Variants in ETV3 observed in about 807,000 individuals in gnomAD.
ETV3 encodes the protein ETS translocation variant 3.
A neutral mutation model predicts 33.0 loss-of-function variants in ETV3; 8 were observed. The ratio of observed to expected loss-of-function variants is 0.24; its 90% CI spans 0.14 to 0.44. The LOEUF is 0.44. Among genes scored for constraint, ETV3 ranks in the 20% least tolerant of loss-of-function variants. The pLI is 1.00. For synonymous variants in ETV3, 222 were observed against 238.9 expected (o/e 0.93, Z 0.65); for missense variants, 473 against 652.3 (o/e 0.73, Z 2.99).
intron 4 of ETV3, among the ~76,000 whole-genome samples, chr1:157,132,233 C>A (rs944914894): frequency 1.3e-5 from 2 of 152,236 alleles, no homozygotes; most frequent in Non-Finnish European, 2.9e-5. Context: ...TAGGCATGAG[C>A]CACCTGGCCC....
chr1:157,135,592 C>T lies in ETV3; in HGVS notation c.163G>A (p.Ala55Thr), dbSNP rs374055229. Residue 55 changes from alanine (A) to threonine (T), a missense_variant, in exon 3 of 5, where the codon GCC becomes ACC. Coordinates refer to ENST00000368192, the MANE Select transcript of ETV3 (RefSeq NM_001145312.3). ...LQKEEFRHVI[A>T]WQQGEYGEFV... Reference sequence around the variant, plus strand: ...TCCCCGTACTCTCCCTGCTGCCAGGCGATGACATGGCGGAACTCTTCCTTC... The same window carrying T: ...TCCCCGTACTCTCCCTGCTGCCAGGTGATGACATGGCGGAACTCTTCCTTC... 9 of 1,614,000 alleles carry T rather than the reference C, an allele frequency of 5.6e-6. No individual in the cohort carries two copies. Among genetic ancestry groups the T allele is most frequent in the East Asian group, 2.2e-5 (1 of 44,896 alleles).
At chr1:157,126,044 C>G in intron 4 of ETV3, 65 bp from the exon 5 acceptor site, 2 of 1,376,140 alleles carry the variant, frequency 1.5e-6, no homozygotes, top group Non-Finnish European at 1.9e-6. Flanking sequence ...ATCACTTATG[C>G]TAACTAAGTG....
At chr1:157,133,875 C>A in intron 4 of ETV3, 3 of 1,357,918 alleles carry the variant, frequency 2.2e-6, no homozygotes, top group Non-Finnish European at 2.8e-6. Flanking sequence ...AGATTACAAA[C>A]AATATGCAGA....
At chr1:157,135,908 T>C (rs1415460495) in intron 2 of ETV3, among the ~76,000 whole-genome samples, 200 bp from the exon 3 acceptor site, 2 of 152,218 alleles carry the variant, frequency 1.3e-5, no homozygotes, top group Admixed American at 1.3e-4. Flanking sequence ...TCATTAAATC[T>C]GATAAGAGTT....
At chr1:157,136,461 CTG>C (rs1204754407) in intron 1 of ETV3, 96 bp from the exon 2 acceptor site, 2 of 1,127,638 alleles carry the variant, frequency 1.8e-6, no homozygotes, top group East Asian at 5.1e-5. Flanking sequence ...TTCCTTTCCC[CTG>C]TTCTTCTTTC....
chr1:157,127,542 CTTTTTTT>C (rs779661847), intron 4 of ETV3, among the ~76,000 whole-genome samples: 1 of 133,564 alleles, frequency 7.5e-6, no homozygotes, highest in Non-Finnish European at 1.6e-5. Flanking sequence ...CTTATGTCAA[CTTTTTTT>C]TTTTTTTTTT....
At chr1:157,133,837 C>A (rs1247809841) in intron 4 of ETV3, 1 of 1,199,910 alleles carries the variant, frequency 8.3e-7, no homozygotes, top group African/African-American at 1.6e-5. Context: ...ACATCATTCC[C>A]AAACAAGATA....
intron 3 of ETV3, among the ~76,000 whole-genome samples, chr1:157,134,523 G>A (rs932545005): frequency 6.6e-6 from 1 of 152,108 alleles, no homozygotes; most frequent in Non-Finnish European, 1.5e-5. Context: ...CTACAATTTC[G>A]ATTCTACAGT....
chr1:157,132,294 T>C (rs1010085056), intron 4 of ETV3, among the ~76,000 whole-genome samples: 3 of 152,218 alleles, frequency 2.0e-5, no homozygotes, highest in Admixed American at 6.5e-5. Context: ...TAAAGATCAA[T>C]GTTGGTTCAA....
rs1674765696 is a variant in ETV3 at position 157,124,090 on chromosome 1, G to C, written c.*751C>G. On this transcript the variant is annotated 3_prime_UTR_variant, in exon 5 of 5. Transcript: ENST00000368192. ...AGGTGAAAAGTCTGAGAAGCTCACA[G>C]CAGGGTTTGCCGTCCCAACTATGCA... 6.6e-6 allele frequency: 1 copy of C among 152,060 alleles called. No individual in the cohort carries two copies. Among genetic ancestry groups the C allele is most frequent in the Admixed American group, 6.5e-5 (1 of 15,276 alleles). 9.4% of individuals were successfully genotyped at this position (152,060 alleles called of 1,614,324 possible). A position where few individuals can be genotyped will look rare whatever the true frequency, so the allele number is the denominator to read the frequency against.
At chr1:157,130,047 T>C (rs1674933144) in intron 4 of ETV3, among the ~76,000 whole-genome samples, 1 of 152,138 alleles carries the variant, frequency 6.6e-6, no homozygotes, top group African/African-American at 2.4e-5. Flanking sequence ...TTTCACCATA[T>C]TGGTCAGGCT....
intron 1 of ETV3, among the ~76,000 whole-genome samples, chr1:157,137,509 AACACACACACACACAC>A (rs10567825): frequency 5.2e-4 from 76 of 145,084 alleles, no homozygotes; most frequent in Non-Finnish European, 2.3e-4. Context: ...GACAAGGAAA[AACACACACACACACAC>A]ACACACACAC....
At chr1:157,134,016 T>C in intron 4 of ETV3, 96 bp downstream of exon 4, 1 of 1,535,558 alleles carries the variant, frequency 6.5e-7, no homozygotes, top group Admixed American at 2.1e-5. Context: ...TTAGTGTTTC[T>C]AAAATCTTCC....
chr1:157,123,596 C>A lies in ETV3; in HGVS notation c.*1245G>T, dbSNP rs1344758968. On this transcript the variant is annotated 3_prime_UTR_variant, in exon 5 of 5. Transcript: ENST00000368192. ...CTTCAGTCTCAACATCCACTTGTAC[C>A]CCCAGCTACCTCCCATGTTTCCAGG... The A allele has an allele frequency of 6.6e-6, 1 of 152,198 alleles. No homozygotes were observed. Among genetic ancestry groups the A allele is most frequent in the Non-Finnish European group, 1.5e-5 (1 of 68,046 alleles). The allele number at this position is 152,198 out of a possible 1,614,324, so 9.4% of individuals were successfully genotyped here.
Position 157,131,231 on chromosome 1 carries a change from C to G in ETV3, c.400+2881G>C, listed in dbSNP as rs576860009. ...ATCCCTGAACTGGTCTGTCCTGCCCCATCCTGACAGTATCTTCTGTATCTT... is the reference window on the plus strand; with the variant it reads ...ATCCCTGAACTGGTCTGTCCTGCCCGATCCTGACAGTATCTTCTGTATCTT... On this transcript the variant is annotated intron_variant, in intron 4 of 4. Transcript: ENST00000368192. Among the ~76,000 whole-genome samples the G allele has an allele frequency of 1.8e-3, 268 of 152,272 alleles. 1 individual carries two copies. The highest frequency in any genetic ancestry group is 5.2e-3 in the African/African-American group (218 of 41,544).
At chr1:157,133,442 A>G (rs1558031792) in intron 4 of ETV3, 2 of 985,520 alleles carry the variant, frequency 2.0e-6, no homozygotes, top group Admixed American at 1.2e-4. Flanking sequence ...AAAAAACCAC[A>G]CAACAACAAA....
In ETV3 at chr1:157,125,004, G is replaced by C; in HGVS notation, c.1376C>G (p.Pro459Arg). ...EDSEDRPGKE[P>R]SAPEKKEDAL... is the part of the protein sequence containing the mutation. ...ATCTTCTTTCTTCTCAGGTGCACTG[G>C]GCTCTTTGCCAGGCCTATCCTCACT... The change falls in exon 5 of 5, where the codon CCC becomes CGC. Residue 459 changes from proline to arginine, a missense_variant. Physicochemically the swap from Pro to Arg is moderately radical, Grantham distance 103. Transcript: ENST00000368192. This position sits in a 1 kb window ranked among gnomAD's most constrained non-coding sequence, Gnocchi z 4.0. 2.6e-6 allele frequency: 4 copies of C among 1,551,724 alleles called. No individual in the cohort carries two copies. Among genetic ancestry groups the C allele is most frequent in the Non-Finnish European group, 3.5e-6 (4 of 1,146,988 alleles).
rs543064049 is a variant in ETV3, at chr1:157,131,392, AG to A, written c.400+2719del. Among the ~76,000 whole-genome samples, 300 of 152,370 alleles carry A rather than the reference AG, an allele frequency of 2.0e-3. 2 individuals are homozygous for A. Among genetic ancestry groups the A allele is most frequent in the African/African-American group, 6.9e-3 (288 of 41,582 alleles). ...TGTGGACATGATCTCAATGGCCTCC[AG>A]GATCTAAATCCACACAGCTCTATTT... On this transcript the variant is annotated intron_variant, in intron 4 of 4. Coordinates refer to ENST00000368192, the MANE Select transcript of ETV3 (RefSeq NM_001145312.3).
chr1:157,136,637 C>T (rs1404023810), intron 1 of ETV3, among the ~76,000 whole-genome samples: 1 of 152,168 alleles, frequency 6.6e-6, no homozygotes, highest in Non-Finnish European at 1.5e-5. Flanking sequence ...TTTTCCTCCT[C>T]CTGACCAACC....
Sources: allele counts gnomAD v4.1 joint callset (sites outside exome capture counted in the v4.1 genomes callset), GRCh38; gene constraint gnomAD v4.1.1; non-coding constraint Gnocchi (gnomAD v3.1); transcripts MANE v1.5; gene names NCBI Gene and HGNC (gene_info 2026-07-23, HGNC 2026-07-21).